NTRK1: variants seen among roughly 807,000 people sequenced by gnomAD.
NTRK1 encodes the protein neurotrophic receptor tyrosine kinase 1.
A neutral mutation model predicts 86.8 loss-of-function variants in NTRK1; 62 were observed. The observed-to-expected ratio is 0.71, with a 90% CI of 0.58 to 0.88. The LOEUF (loss-of-function observed/expected upper bound fraction) is 0.88. NTRK1 is among the 40% of genes least tolerant of loss of function. The pLI is 0.00. For missense variants in NTRK1, 967 were observed against 1,078.4 expected (o/e 0.90, Z 1.45); for synonymous variants, 469 against 456.6 (o/e 1.03, Z -0.35).
intron 2 of NTRK1, chr1:156,851,706 G>A (rs1457202885): frequency 1.2e-6 from 2 of 1,614,224 alleles, no homozygotes; most frequent in Admixed American, 3.3e-5. Flanking sequence ...ACAAGATCCT[G>A]TGCCGCCTGG....
At chr1:156,824,405 A>T (rs2102835979) in intron 1 of NTRK1, among the ~76,000 whole-genome samples, 1 of 152,330 alleles carries the variant, frequency 6.6e-6, no homozygotes, top group African/African-American at 2.4e-5. Context: ...ATACATGTGG[A>T]TTGAAGAAGC....
At position 156,852,059 on chromosome 1, in the gene NTRK1, G is replaced by A. The variant is rs540195536; in HGVS notation, c.50+9866G>A. On this transcript the variant is annotated intron_variant, in intron 2 of 16. Coordinates refer to the NTRK1 transcript ENST00000392302. ...GCCTGGCGGGCAGGCCCACAGGCAG[G>A]CACCCTGGAAGTAGAGGTGGCGGCA... 1.2e-5 allele frequency: 20 copies of A among 1,613,588 alleles called. No homozygotes were observed. In the East Asian group the frequency reaches 4.0e-4, roughly 32 times the overall value.
chr1:156,852,344 C>A (rs538980474), intron 2 of NTRK1, among the ~76,000 whole-genome samples: 1 of 152,382 alleles, frequency 6.6e-6, no homozygotes, highest in African/African-American at 2.4e-5. Flanking sequence ...ACTCTGTTCC[C>A]CTCCGATGGG....
chr1:156,817,047 T>TTCTCTCTCTCTCTCTCTCTCTC (rs3840456), intron 1 of NTRK1, among the ~76,000 whole-genome samples: 9,105 of 113,348 alleles, frequency 0.08, 1,166 homozygotes, highest in Admixed American at 0.1. Flanking sequence ...GAACTTCCCT[T>TTCTCTCTCTCTCTCTCTCTCTC]TCTCTCTCTC....
At position 156,854,196 on chromosome 1, in the gene NTRK1, C is replaced by T. The variant is rs781038209; in HGVS notation, c.51-10158C>T. ...AAGCTGAGGCCGCGGAAGTCCTCCC[C>T]GGTGGCTGTGAACATGAGCAGGATC... is the stretch of plus-strand genomic sequence containing the variant. On this transcript the variant is annotated intron_variant, in intron 2 of 16. Coordinates refer to the NTRK1 transcript ENST00000392302. This position sits in a 1 kb window ranked among gnomAD's most constrained non-coding sequence, Gnocchi z 4.2. The T allele has an allele frequency of 2.2e-5, 36 of 1,613,974 alleles. No individual in the cohort carries two copies. Among genetic ancestry groups the T allele is most frequent in the South Asian group, 6.6e-5 (6 of 91,084 alleles).
intron 1 of NTRK1, chr1:156,840,927 G>A (rs777401588): frequency 6.2e-7 from 1 of 1,614,122 alleles, no homozygotes; most frequent in Admixed American, 1.7e-5. Flanking sequence ...TGGGTGAGGA[G>A]TCAGGCTCTG....
rs774187513 is a variant in NTRK1, at chr1:156,876,065, T to C, written c.1502-15T>C. ...CAAGACTGGGGCTACCGTCTGACCC[T>C]GCAAGCCCCCTCAGGTGTTCACCAC... On this transcript the variant is annotated splice_polypyrimidine_tract_variant and intron_variant, in intron 12 of 16. Transcript: ENST00000524377. 6 of 1,614,142 alleles carry C rather than the reference T, an allele frequency of 3.7e-6. No homozygotes were observed. Among genetic ancestry groups the C allele is most frequent in the Non-Finnish European group, 4.2e-6 (5 of 1,180,006 alleles).
intron 2 of NTRK1, chr1:156,849,611 C>T (rs913163116): frequency 2.1e-5 from 13 of 628,622 alleles, no homozygotes; most frequent in Non-Finnish European, 3.4e-5. Context: ...CGGGGGCATT[C>T]GTGCATACCC....
intron 1 of NTRK1, among the ~76,000 whole-genome samples, chr1:156,861,411 A>T (rs1558096206): frequency 6.6e-6 from 1 of 152,194 alleles, no homozygotes; most frequent in Non-Finnish European, 1.5e-5. Flanking sequence ...ATCTCCGTGG[A>T]CCAGGTCTGA....
At chr1:156,858,426 C>A, upstream of NTRK1, 1 of 808,008 alleles carries the variant, frequency 1.2e-6, no homozygotes, top group South Asian at 1.4e-5. Context: ...CCCCAACCCC[C>A]ATGTTCCAGT....
chr1:156,863,406 C>T (rs1051838645), intron 1 of NTRK1, among the ~76,000 whole-genome samples: 2 of 151,512 alleles, frequency 1.3e-5, no homozygotes, highest in Admixed American at 1.3e-4. Context: ...GCCTTTCCAT[C>T]TTTCTGTCTC....
At chr1:156,872,131 G>T (rs1290008983) in intron 7 of NTRK1, among the ~76,000 whole-genome samples, 2 of 151,976 alleles carry the variant, frequency 1.3e-5, no homozygotes, top group Non-Finnish European at 1.5e-5. Flanking sequence ...CTTTACGCTC[G>T]CTGCCTAATT....
At chr1:156,846,105 G>A in intron 2 of NTRK1, 2 of 1,601,040 alleles carry the variant, frequency 1.2e-6, no homozygotes, top group East Asian at 4.5e-5. Context: ...ATGACGTCTT[G>A]GGGCACCGTG....
chr1:156,862,965 G>A (rs1426246437), intron 1 of NTRK1, among the ~76,000 whole-genome samples: 1 of 152,074 alleles, frequency 6.6e-6, no homozygotes, highest in Non-Finnish European at 1.5e-5. Flanking sequence ...AGGAAGGGAG[G>A]GGTCACTTAG....
chr1:156,817,047 T>TTCTCTCTCTCTC (rs3840456), intron 1 of NTRK1, among the ~76,000 whole-genome samples: 2,095 of 113,822 alleles, frequency 0.018, 128 homozygotes, highest in African/African-American at 0.045. Flanking sequence ...GAACTTCCCT[T>TTCTCTCTCTCTC]TCTCTCTCTC....
At chr1:156,866,633 C>T (rs562779188) in intron 3 of NTRK1, among the ~76,000 whole-genome samples, 7 of 152,228 alleles carry the variant, frequency 4.6e-5, no homozygotes, top group South Asian at 4.1e-4. Flanking sequence ...GAGGGAGGAG[C>T]GGCTGTTCCC....
intron 2 of NTRK1, among the ~76,000 whole-genome samples, chr1:156,849,916 CTTT>C (rs56654147): frequency 1.4e-5 from 2 of 146,248 alleles, no homozygotes; most frequent in African/African-American, 5.0e-5. Flanking sequence ...TAGATGGTAA[CTTT>C]TTTTTTTTTT....
chr1:156,873,776 T>C lies in NTRK1; in HGVS notation c.994T>C (p.Phe332Leu), dbSNP rs750677475. 1 of 1,613,074 alleles carries C rather than the reference T, an allele frequency of 6.2e-7. No homozygotes were observed. Among genetic ancestry groups the C allele is most frequent in the Non-Finnish European group, 8.5e-7 (1 of 1,179,764 alleles). Residue 332 changes from phenylalanine to leucine, a missense_variant, in exon 8 of 17, where the codon TTC becomes CTC. Phe to Leu is a conservative substitution (Grantham distance 22). This residue lies in a region of NTRK1 where 637 missense variants were observed against 776.5 expected (regional missense o/e 0.82). Transcript: ENST00000524377. ...LNETSFIFTE[F>L]LEPAANETVR... ...TGAGACCAGCTTCATCTTCACTGAG[T>C]TCCTGGAGCCGGCAGCCAATGAGAC...
chr1:156,869,394 A>G (rs1023492536), intron 6 of NTRK1, among the ~76,000 whole-genome samples: 5 of 151,498 alleles, frequency 3.3e-5, no homozygotes, highest in African/African-American at 9.7e-5. Flanking sequence ...TTTTCTATAT[A>G]AGGAAACTGG....
Sources: allele counts gnomAD v4.1 joint callset (sites outside exome capture counted in the v4.1 genomes callset), GRCh38; gene constraint gnomAD v4.1.1; regional missense constraint gnomAD v4.1.1; non-coding constraint Gnocchi (gnomAD v3.1); transcripts MANE v1.5; gene names NCBI Gene and HGNC (gene_info 2026-07-23, HGNC 2026-07-21).